Variants in FMNL2 observed in about 807,000 individuals in gnomAD.
FMNL2 encodes formin-like protein 2.
FMNL2 carries 51 observed loss-of-function variants against 130.2 expected under a neutral mutation model. That is an observed-to-expected ratio of 0.39 (90% CI 0.31 to 0.49). The LOEUF is 0.49. FMNL2 is among the 20% of genes least tolerant of loss of function. The probability of loss-of-function intolerance (pLI) is 0.85; values close to 1 mark genes in which losing one functional copy is unlikely to be tolerated. For synonymous variants in FMNL2, 465 were observed against 467.1 expected, an observed-to-expected ratio of 1.00 and a Z score of 0.06; for missense variants, 977 against 1,316.2, an observed-to-expected ratio of 0.74 and a Z score of 3.99.
At chr2:152,529,157 T>G (rs1451931476) in intron 2 of FMNL2, among the ~76,000 whole-genome samples, 1 of 152,222 alleles carries the variant, frequency 6.6e-6, no homozygotes, top group Non-Finnish European at 1.5e-5. Flanking sequence ...CTTGCCCTTA[T>G]GTATTCATTA....
chr2:152,453,547 T>C (rs1431629878), intron 1 of FMNL2, among the ~76,000 whole-genome samples: 1 of 152,190 alleles, frequency 6.6e-6, no homozygotes, highest in Non-Finnish European at 1.5e-5. Flanking sequence ...CTGGCTGTAT[T>C]ACTGCTTATT....
intron 1 of FMNL2, among the ~76,000 whole-genome samples, chr2:152,346,845 A>G (rs560511650): frequency 2.6e-5 from 4 of 151,776 alleles, no homozygotes; most frequent in African/African-American, 9.7e-5. Context: ...TAATCCCAGC[A>G]CTTTGGGAGG....
chr2:152,508,354 A>G (rs1343779937), intron 1 of FMNL2, among the ~76,000 whole-genome samples: 1 of 152,174 alleles, frequency 6.6e-6, no homozygotes, highest in African/African-American at 2.4e-5. Flanking sequence ...AAAACCTAAT[A>G]ATCAAACAGG....
intron 8 of FMNL2, among the ~76,000 whole-genome samples, chr2:152,579,269 G>A (rs888309386): frequency 2.0e-5 from 3 of 152,148 alleles, no homozygotes; most frequent in African/African-American, 7.2e-5. Flanking sequence ...GCCAGGACTC[G>A]GGGGCCAGGA....
intron 1 of FMNL2, among the ~76,000 whole-genome samples, chr2:152,464,329 T>G (rs1434779569): frequency 6.6e-6 from 1 of 152,256 alleles, no homozygotes; most frequent in Non-Finnish European, 1.5e-5. Flanking sequence ...TTTGTTATTC[T>G]TAACTCCTTT....
At chr2:152,647,672 G>C (rs1304550234) in intron 25 of FMNL2, 124 bp from the exon 26 acceptor site, 12 of 807,562 alleles carry the variant, frequency 1.5e-5, no homozygotes, top group African/African-American at 1.0e-4. Context: ...CAGTGAGTTT[G>C]AAGGGCCCAT....
chr2:152,369,840 A>G (rs2105853610), intron 1 of FMNL2, among the ~76,000 whole-genome samples: 1 of 152,350 alleles, frequency 6.6e-6, no homozygotes, highest in African/African-American at 2.4e-5. Flanking sequence ...CATTTATAGC[A>G]TAATGGAGTA....
At chr2:152,600,873 G>A (rs1034762838) in intron 9 of FMNL2, among the ~76,000 whole-genome samples, 1 of 152,090 alleles carries the variant, frequency 6.6e-6, no homozygotes, top group African/African-American at 2.4e-5. Context: ...AACCAGATGG[G>A]GCAAGAGAGT....
chr2:152,404,207 T>C lies in FMNL2; in HGVS notation c.117+68487T>C, dbSNP rs1007682117. On this transcript the variant is annotated intron_variant, in intron 1 of 25. Coordinates refer to ENST00000288670, the MANE Select transcript of FMNL2 (RefSeq NM_052905.4). The stretch of plus-strand genomic sequence containing the variant: ...GCAGCCCCAGAACATGTTTATTGAA[T>C]GAATTAATGCATCTTCAATGAATGT... Among the ~76,000 whole-genome samples, 3 of 152,226 alleles carry C rather than the reference T, an allele frequency of 2.0e-5. No homozygotes were observed. In the South Asian group the frequency reaches 6.2e-4, roughly 32 times the overall value.
rs1683743823 is a variant in FMNL2, at chr2:152,647,859, AT to A, written c.3234del (p.Asp1078GlufsTer13). Reference protein sequence around the residue: ...AVRRSVRRRFDDQNLRSVNGA... With the variant: ...AVRRSVRRRFXDQNLRSVNGA... ...AGGAGAAGCGTCAGGCGGCGCTTTG[AT>A]GATCAGAACTTGCGTTCTGTTAATG... On this transcript the variant is annotated frameshift_variant, in exon 26 of 26. Transcript: ENST00000288670. LOFTEE classifies it high-confidence loss of function. The A allele has an allele frequency of 6.2e-7, 1 of 1,613,814 alleles. No homozygotes were observed. Among genetic ancestry groups the A allele is most frequent in the African/African-American group, 1.3e-5 (1 of 74,936 alleles).
intron 1 of FMNL2, among the ~76,000 whole-genome samples, chr2:152,400,338 C>G (rs1328894683): frequency 6.6e-6 from 1 of 152,066 alleles, no homozygotes; most frequent in African/African-American, 2.4e-5. Flanking sequence ...TGGGCTGAGG[C>G]AGAAGAATCG....
intron 1 of FMNL2, among the ~76,000 whole-genome samples, chr2:152,504,823 G>C (rs1287991769): frequency 1.3e-5 from 2 of 152,116 alleles, no homozygotes; most frequent in African/African-American, 2.4e-5. Flanking sequence ...CGGGGGCTTA[G>C]GAATGTGCAT....
chr2:152,400,693 G>A (rs904723867), intron 1 of FMNL2, among the ~76,000 whole-genome samples: 2 of 152,150 alleles, frequency 1.3e-5, no homozygotes, highest in Non-Finnish European at 2.9e-5. Context: ...CCAGATAACT[G>A]TTATGTCATA....
chr2:152,626,079 C>T (rs1053976646), intron 16 of FMNL2, among the ~76,000 whole-genome samples: 3 of 151,792 alleles, frequency 2.0e-5, no homozygotes, highest in African/African-American at 7.3e-5. Context: ...ACTCTGTCGC[C>T]CAGGCTGGAA....
At position 152,596,594 on chromosome 2, in the gene FMNL2, T is replaced by A. The variant is rs113997917; in HGVS notation, c.877-10745T>A. Among the ~76,000 whole-genome samples the A allele has an allele frequency of 9.5e-4, 144 of 152,336 alleles. 1 individual carries two copies. The highest frequency in any genetic ancestry group is 1.8e-3 in the Admixed American group (27 of 15,300). Reference sequence around the variant, plus strand: ...CCTAAAGAGCTTTTGTTTATGCAAGTTATATGTTGATATTTTCCATATTAG... The same window carrying A: ...CCTAAAGAGCTTTTGTTTATGCAAGATATATGTTGATATTTTCCATATTAG... On this transcript the variant is annotated intron_variant, in intron 9 of 25. Coordinates refer to ENST00000288670, the MANE Select transcript of FMNL2 (RefSeq NM_052905.4).
chr2:152,489,227 C>G (rs80193790), intron 1 of FMNL2, among the ~76,000 whole-genome samples: 2 of 150,878 alleles, frequency 1.3e-5, no homozygotes, highest in South Asian at 2.1e-4. Context: ...AAAACAAGAA[C>G]AAAGTAATTC....
intron 9 of FMNL2, among the ~76,000 whole-genome samples, chr2:152,593,051 G>T (rs1697522175): frequency 6.6e-6 from 1 of 152,158 alleles, no homozygotes; most frequent in East Asian, 1.9e-4. Flanking sequence ...ATTTGATGGA[G>T]AGAATTCTGG....
intron 15 of FMNL2, among the ~76,000 whole-genome samples, chr2:152,622,174 G>A (rs1014465254): frequency 2.7e-4 from 41 of 152,162 alleles, no homozygotes; most frequent in African/African-American, 5.5e-4. Context: ...AACCTTTGCC[G>A]TCTGTCTGGG....
At chr2:152,349,100 G>T (rs1373203746) in intron 1 of FMNL2, among the ~76,000 whole-genome samples, 3 of 125,734 alleles carry the variant, frequency 2.4e-5, no homozygotes, top group African/African-American at 1.0e-4. Flanking sequence ...CTCCCAAAGT[G>T]CTGGGATTAC....
Sources: allele counts gnomAD v4.1 joint callset (sites outside exome capture counted in the v4.1 genomes callset), GRCh38; gene constraint gnomAD v4.1.1; transcripts MANE v1.5; gene names NCBI Gene and HGNC (gene_info 2026-07-23, HGNC 2026-07-21).